The following MYO9B variants were observed in gnomAD, a reference collection of about 807,000 sequenced individuals.
MYO9B encodes myosin IXB.
MYO9B carries 71 observed loss-of-function variants against 229.5 expected under a neutral mutation model. The ratio of observed to expected loss-of-function variants is 0.31; its 90% confidence interval spans 0.26 to 0.38. The LOEUF (loss-of-function observed/expected upper bound fraction) is 0.38. Among genes scored for constraint, MYO9B ranks in the 10% least tolerant of loss-of-function variants. The pLI is 1.00. For synonymous variants in MYO9B, 1,185 were observed against 1,235.8 expected (o/e 0.96, Z 0.86); for missense variants, 2,255 against 2,920.5 (o/e 0.77, Z 5.25).
intron 1 of MYO9B, among the ~76,000 whole-genome samples, chr19:17,085,080 G>T (rs561660664): frequency 3.9e-5 from 6 of 152,122 alleles, no homozygotes; most frequent in Non-Finnish European, 5.9e-5. Flanking sequence ...TTTCTCCCCT[G>T]CCTTTGTGGT....
chr19:17,207,116 G>A lies in MYO9B; in HGVS notation c.5496G>A (p.Val1832=). 1 of 1,610,588 alleles carries A rather than the reference G, an allele frequency of 6.2e-7. No homozygotes were observed. The highest frequency in any genetic ancestry group is 1.3e-5 in the African/African-American group (1 of 75,012). ...LERLIFHLVK[V]ALLEDVNRMS... ...CTAACTGCCAGTGGCTGTGCAGGGT[G>A]GCCCTGCTCGAGGATGTCAACCGCA... The change falls in exon 35 of 40, where the codon GTG becomes GTA. Residue 1832 remains valine (V), a synonymous_variant. Coordinates refer to ENST00000682292, the MANE Select transcript of MYO9B (RefSeq NM_004145.4).
At position 17,102,422 on chromosome 19, in the gene MYO9B, C is replaced by A; in HGVS notation, c.705C>A (p.Ile235=). ...TCAGGAAGCGCGTGAACCAGTGCAT[C>A]GTGATCTCGGGTGAGAGCGGCTCCG... ...TMLRKRVNQC[I]VISGESGSGK... The change falls in exon 2 of 40, where the codon ATC becomes ATA. Residue 235 remains isoleucine, a synonymous_variant. Transcript: ENST00000682292. The A allele has an allele frequency of 6.2e-7, 1 of 1,614,008 alleles. No individual in the cohort carries two copies. The highest frequency in any genetic ancestry group is 8.5e-7 in the Non-Finnish European group (1 of 1,179,902).
chr19:17,106,789 G>A (rs1038931072), intron 2 of MYO9B, among the ~76,000 whole-genome samples: 7 of 152,180 alleles, frequency 4.6e-5, no homozygotes, highest in African/African-American at 7.2e-5. Context: ...TAGGCTGGGT[G>A]CAGTGGCTCA....
At position 17,172,577 on chromosome 19, in the gene MYO9B, T is replaced by G. The variant is rs1599390147; in HGVS notation, c.1935+100T>G. 2 of 1,519,404 alleles carry G rather than the reference T, an allele frequency of 1.3e-6. No individual in the cohort carries two copies. The highest frequency in any genetic ancestry group is 1.8e-6 in the Non-Finnish European group (2 of 1,124,512). 94.1% of individuals were successfully genotyped at this position (1,519,404 alleles called of 1,614,324 possible). Reference sequence around the variant, plus strand: ...TCCTCCTGTGGGCGAGGTTCCAGGGTGCTCAGAACCCACCGCGAATCCCCG... The same window carrying G: ...TCCTCCTGTGGGCGAGGTTCCAGGGGGCTCAGAACCCACCGCGAATCCCCG... On this transcript the variant is annotated intron_variant, in intron 12 of 39. Coordinates refer to ENST00000682292, the MANE Select transcript of MYO9B (RefSeq NM_004145.4). This position sits in a 1 kb window ranked among gnomAD's most constrained non-coding sequence, Gnocchi z 8.2.
chr19:17,108,429 G>C (rs1568665535), intron 2 of MYO9B, among the ~76,000 whole-genome samples: 2 of 152,138 alleles, frequency 1.3e-5, no homozygotes, highest in African/African-American at 4.8e-5. Context: ...GAGTCATCCT[G>C]TGCATTGAAG....
rs570541044 is a variant in MYO9B, at chr19:17,172,684, C to T, written c.1936-75C>T. 199 of 1,559,578 alleles carry T rather than the reference C, an allele frequency of 1.3e-4. No individual in the cohort carries two copies. In the African/African-American group the frequency reaches 1.9e-3, roughly 15 times the overall value. ...CCCACCCCACCGTCAGCCCTTCCTG[C>T]GCCAGCCCGGGGTCTTTGGTAGGCG... On this transcript the variant is annotated intron_variant, in intron 12 of 39. Coordinates refer to ENST00000682292, the MANE Select transcript of MYO9B (RefSeq NM_004145.4). The surrounding 1 kb of genome is among the most constrained non-coding windows in gnomAD (Gnocchi z 8.2).
At chr19:17,137,046 A>G (rs954186115) in intron 2 of MYO9B, among the ~76,000 whole-genome samples, 1 of 152,140 alleles carries the variant, frequency 6.6e-6, no homozygotes, top group Non-Finnish European at 1.5e-5. Flanking sequence ...CCTGACCAAC[A>G]TGGAGAAACC....
intron 9 of MYO9B, among the ~76,000 whole-genome samples, chr19:17,162,739 C>A (rs1384046610): frequency 1.3e-5 from 2 of 152,192 alleles, no homozygotes; most frequent in East Asian, 3.9e-4. Flanking sequence ...AGAAGGATTG[C>A]TTGAGCCCAG....
rs749460658 is a variant in MYO9B, at chr19:17,211,978, C to T, written c.6142C>T (p.Pro2048Ser). 1 of 1,557,616 alleles carries T rather than the reference C, an allele frequency of 6.4e-7. No individual in the cohort carries two copies. Among genetic ancestry groups the T allele is most frequent in the Non-Finnish European group, 8.7e-7 (1 of 1,148,582 alleles). ...CGTGGCCGCCCCTCCACGACGAAGG[C>T]CGTCGTCCTTCGTAACGGTCAGAGT... is the stretch of plus-strand genomic sequence containing the variant. The part of the protein sequence containing the change: ...PTVAAPPRRR[P>S]SSFVTVRVKT... The change falls in exon 40 of 40, where the codon CCG becomes TCG. Residue 2048 changes from proline to serine, a missense_variant. By Grantham distance (74) the Pro-to-Ser change is moderately conservative. This residue lies in a region of MYO9B where 331 missense variants were observed against 332.5 expected (regional missense o/e 1.00). Transcript: ENST00000682292.
chr19:17,158,989 T>G (rs2072568624), intron 7 of MYO9B, among the ~76,000 whole-genome samples: 1 of 151,976 alleles, frequency 6.6e-6, no homozygotes, highest in Admixed American at 6.6e-5. Context: ...AGGTCAGGAG[T>G]TCGAGACCAG....
At chr19:17,141,285 G>T (rs1182742180) in intron 2 of MYO9B, among the ~76,000 whole-genome samples, 2 of 152,054 alleles carry the variant, frequency 1.3e-5, no homozygotes, top group African/African-American at 2.4e-5. Flanking sequence ...TGGGACCTTG[G>T]CAATGGCCTT....
chr19:17,094,102 C>G (rs2057666182), intron 1 of MYO9B, among the ~76,000 whole-genome samples: 1 of 132,046 alleles, frequency 7.6e-6, no homozygotes, highest in Admixed American at 7.4e-5. Flanking sequence ...ATGGCGCAAT[C>G]TCGGCACACT....
Position 17,192,883 on chromosome 19 carries a change from C to G in MYO9B, c.2949C>G (p.Ala983=). Residue 983 remains alanine, a synonymous_variant, in exon 21 of 40, where the codon GCC becomes GCG. Transcript: ENST00000682292. ...RRHFLQMKRA[A]VTIQACWRSY... is the part of the protein sequence containing the mutation. ...ACTTCCTGCAGATGAAGCGGGCCGC[C>G]GTCACCATCCAGGCCTGCTGGCGGT... is the stretch of plus-strand genomic sequence containing the variant. 1 of 1,550,424 alleles carries G rather than the reference C, an allele frequency of 6.4e-7. No homozygotes were observed. The highest frequency in any genetic ancestry group is 8.7e-7 in the Non-Finnish European group (1 of 1,147,104).
At chr19:17,082,824 G>T (rs535227448) in intron 1 of MYO9B, among the ~76,000 whole-genome samples, 1 of 152,202 alleles carries the variant, frequency 6.6e-6, no homozygotes, top group African/African-American at 2.4e-5. Context: ...CCATGATTTA[G>T]CAGGGAAGGG....
intron 2 of MYO9B, among the ~76,000 whole-genome samples, chr19:17,115,527 G>A (rs1265945052): frequency 6.8e-6 from 1 of 146,912 alleles, no homozygotes; most frequent in Non-Finnish European, 1.5e-5. Flanking sequence ...GGAGTTCAGT[G>A]GTGCGATCTC....
intron 2 of MYO9B, among the ~76,000 whole-genome samples, chr19:17,108,294 C>T (rs1353838864): frequency 2.6e-5 from 4 of 152,214 alleles, no homozygotes; most frequent in African/African-American, 4.8e-5. Flanking sequence ...GCCAAATCCA[C>T]GTCATGGCAA....
At chr19:17,130,062 C>T (rs1013790760) in intron 2 of MYO9B, among the ~76,000 whole-genome samples, 3 of 152,124 alleles carry the variant, frequency 2.0e-5, no homozygotes, top group Admixed American at 6.6e-5. Context: ...TCAAGCGATC[C>T]TCCTGCCTTG....
At chr19:17,169,002 GC>G (rs779394556) in intron 11 of MYO9B, among the ~76,000 whole-genome samples, 8 of 152,068 alleles carry the variant, frequency 5.3e-5, no homozygotes, top group Non-Finnish European at 8.8e-5. Context: ...CTTTCCTGTG[GC>G]TCCTCTAAGG....
intron 1 of MYO9B, among the ~76,000 whole-genome samples, chr19:17,097,660 G>C (rs952146172): frequency 6.6e-6 from 1 of 152,246 alleles, no homozygotes; most frequent in East Asian, 1.9e-4. Flanking sequence ...TGTGTGAACT[G>C]TTGCCTCGGC....
Sources: allele counts gnomAD v4.1 joint callset (sites outside exome capture counted in the v4.1 genomes callset), GRCh38; gene constraint gnomAD v4.1.1; regional missense constraint gnomAD v4.1.1; non-coding constraint Gnocchi (gnomAD v3.1); transcripts MANE v1.5; gene names NCBI Gene and HGNC (gene_info 2026-07-23, HGNC 2026-07-21).